SESTD1: variants seen among roughly 807,000 people sequenced by gnomAD.
The protein encoded by SESTD1 is SEC14 and spectrin domain containing 1.
In SESTD1, 43 loss-of-function variants were observed where a neutral mutation model predicts 101.7. The observed-to-expected ratio is 0.42, with a 90% CI of 0.33 to 0.55. The LOEUF is 0.55. Ranked by LOEUF, SESTD1 falls within the 20% of genes least tolerant of loss-of-function variation. The probability of loss-of-function intolerance (pLI) is 0.07; values close to 1 mark genes in which losing one functional copy is unlikely to be tolerated. For synonymous variants in SESTD1, 283 were observed against 286.8 expected (o/e 0.99, Z 0.13); for missense variants, 647 against 815.1 (o/e 0.79, Z 2.51).
intron 1 of SESTD1, among the ~76,000 whole-genome samples, chr2:179,228,059 CT>C (rs2046916209): frequency 6.6e-6 from 1 of 152,162 alleles, no homozygotes; most frequent in African/African-American, 2.4e-5. Context: ...GAACAGCCTC[CT>C]TATGATCCCT....
chr2:179,134,706 T>C (rs1286471019), intron 9 of SESTD1, among the ~76,000 whole-genome samples: 3 of 152,148 alleles, frequency 2.0e-5, no homozygotes, highest in Non-Finnish European at 2.9e-5. Context: ...GTAATACTAA[T>C]GCTTGTTAAT....
chr2:179,137,662 TACC>T (rs1185803200), intron 9 of SESTD1, among the ~76,000 whole-genome samples: 5 of 152,320 alleles, frequency 3.3e-5, no homozygotes, highest in Admixed American at 1.3e-4. Flanking sequence ...AATCTCTGCA[TACC>T]ACATGAAGTC....
At chr2:179,140,858 T>C (rs2045261887) in intron 9 of SESTD1, among the ~76,000 whole-genome samples, 2 of 152,234 alleles carry the variant, frequency 1.3e-5, no homozygotes, top group Non-Finnish European at 2.9e-5. Flanking sequence ...ACTCCTTCCC[T>C]GAAATGCTTT....
intron 1 of SESTD1, among the ~76,000 whole-genome samples, chr2:179,260,640 GAA>G (rs2047470071): frequency 6.6e-6 from 1 of 152,204 alleles, no homozygotes; most frequent in Admixed American, 6.5e-5. Flanking sequence ...AGAAAAAAGT[GAA>G]AAGTTTCCTA....
chr2:179,125,158 A>T (rs956379139), intron 10 of SESTD1, among the ~76,000 whole-genome samples: 8 of 152,106 alleles, frequency 5.3e-5, no homozygotes, highest in African/African-American at 1.9e-4. Flanking sequence ...CACTGGCCAT[A>T]AAAACGTGTC....
Position 179,108,946 on chromosome 2 carries a change from A to T in SESTD1, c.*953T>A, listed in dbSNP as rs17363183. The T allele has an allele frequency of 0.056, 8,475 of 152,222 alleles. 306 individuals carry two copies. Among genetic ancestry groups the T allele is most frequent in the South Asian group, 0.091 (440 of 4,822 alleles). The allele number at this position is 152,222 out of a possible 1,614,324, so 9.4% of individuals were successfully genotyped here. A position where few individuals can be genotyped will look rare whatever the true frequency, so the allele number is the denominator to read the frequency against. On this transcript the variant is annotated 3_prime_UTR_variant, in exon 18 of 18. Transcript: ENST00000428443. ...TTAGTTCCTGAAAGATTACTCTGAT[A>T]TAAAGGATTACACTGAAGTAATTAT...
chr2:179,163,202 T>C (rs2045772303), intron 5 of SESTD1, among the ~76,000 whole-genome samples: 1 of 152,148 alleles, frequency 6.6e-6, no homozygotes. Flanking sequence ...AAATTACTAG[T>C]AACCTCATTT....
At chr2:179,111,920 C>T (rs1216149233) in intron 17 of SESTD1, among the ~76,000 whole-genome samples, 3 of 151,996 alleles carry the variant, frequency 2.0e-5, no homozygotes, top group Non-Finnish European at 2.9e-5. Context: ...GGGTTTTCAC[C>T]GTGTTAGCCA....
intron 10 of SESTD1, among the ~76,000 whole-genome samples, chr2:179,125,561 T>C (rs2044855437): frequency 6.6e-6 from 1 of 152,178 alleles, no homozygotes; most frequent in African/African-American, 2.4e-5. Context: ...GTGCTGATGT[T>C]GTTACAAGGC....
chr2:179,154,968 G>C (rs112011865), intron 5 of SESTD1, among the ~76,000 whole-genome samples: 2 of 152,050 alleles, frequency 1.3e-5, no homozygotes, highest in East Asian at 3.9e-4. Flanking sequence ...TCAGCAATCC[G>C]TATTACTGAT....
chr2:179,221,100 A>C (rs1345137967), intron 1 of SESTD1, among the ~76,000 whole-genome samples: 2 of 152,188 alleles, frequency 1.3e-5, no homozygotes, highest in Non-Finnish European at 2.9e-5. Flanking sequence ...TTTTGGCACT[A>C]AATTTTTTTG....
At chr2:179,185,331 A>T (rs2105489223) in intron 2 of SESTD1, among the ~76,000 whole-genome samples, 1 of 147,926 alleles carries the variant, frequency 6.8e-6, no homozygotes, top group South Asian at 2.1e-4. Flanking sequence ...AATATAGCAT[A>T]TATTAATATT....
chr2:179,150,207 G>A (rs2045488324), intron 6 of SESTD1, among the ~76,000 whole-genome samples: 1 of 152,102 alleles, frequency 6.6e-6, no homozygotes, highest in Admixed American at 6.5e-5. Flanking sequence ...CCTGGGGTGA[G>A]ACCCTGTCTC....
chr2:179,124,603 C>G (rs561263757), intron 10 of SESTD1, 45 bp from the exon 11 acceptor site: 2 of 1,444,990 alleles, frequency 1.4e-6, no homozygotes, highest in African/African-American at 2.8e-5. Flanking sequence ...CAAATTAGTT[C>G]CTGGAAGAGA....
In SESTD1 at chr2:179,200,851, C is replaced by G; in HGVS notation, c.-25-8985G>C. On this transcript the variant is annotated intron_variant, in intron 1 of 17. Coordinates refer to ENST00000428443, the MANE Select transcript of SESTD1 (RefSeq NM_178123.5). ...AAAACCTAGGCATTACCATTCAGGA[C>G]ATAGGCATGGGCAAGGACTTCATGT... 1.5e-5 allele frequency among the ~76,000 whole-genome samples: 2 copies of G among 134,300 alleles called. 1 individual carries two copies. The highest frequency in any genetic ancestry group is 3.2e-5 in the Non-Finnish European group (2 of 62,726). 88.1% of individuals were successfully genotyped at this position (134,300 alleles called of 152,430 possible).
At chr2:179,256,862 A>G (rs2047402138) in intron 1 of SESTD1, among the ~76,000 whole-genome samples, 1 of 151,636 alleles carries the variant, frequency 6.6e-6, no homozygotes, top group Admixed American at 6.6e-5. Flanking sequence ...CTTACAGAGG[A>G]GCAAAGCAAG....
At position 179,149,388 on chromosome 2, in the gene SESTD1, C is replaced by A; in HGVS notation, c.490G>T (p.Glu164Ter). 1 of 1,582,696 alleles carries A rather than the reference C, an allele frequency of 6.3e-7. No homozygotes were observed. Among genetic ancestry groups the A allele is most frequent in the South Asian group, 1.1e-5 (1 of 87,422 alleles). The change falls in exon 7 of 18, where the codon GAG (glutamate) becomes TAG (stop). Residue 164 changes from glutamate (E) to a stop codon, truncating the protein, a stop_gained. Coordinates refer to ENST00000428443, the MANE Select transcript of SESTD1 (RefSeq NM_178123.5). LOFTEE classifies it high-confidence loss of function. ...MDWLNKRLVF[E>*]KFTKESTSLL... ...GATGTAGATTCCTTTGTAAACTTCT[C>A]AAAAACCTACAATATGAGTTTTATT...
At chr2:179,145,082 T>C (rs148529445) in intron 8 of SESTD1, among the ~76,000 whole-genome samples, 156 of 152,264 alleles carry the variant, frequency 1.0e-3, no homozygotes, top group Admixed American at 6.6e-3. Context: ...TATTCAGAAT[T>C]TACTTCTTTA....
chr2:179,181,434 G>A (rs1263764799), intron 3 of SESTD1, among the ~76,000 whole-genome samples: 4 of 152,202 alleles, frequency 2.6e-5, no homozygotes, highest in Admixed American at 6.5e-5. Flanking sequence ...TTCATGGAAA[G>A]ATAATACAGT....
Sources: allele counts gnomAD v4.1 joint callset (sites outside exome capture counted in the v4.1 genomes callset), GRCh38; gene constraint gnomAD v4.1.1; transcripts MANE v1.5; gene names NCBI Gene and HGNC (gene_info 2026-07-23, HGNC 2026-07-21).